The following SUCLG2 variants were observed in gnomAD, a reference collection of about 807,000 sequenced individuals.
SUCLG2 encodes succinate-CoA ligase GDP-forming subunit beta.
A neutral mutation model predicts 47.9 loss-of-function variants in SUCLG2; 42 were observed. The ratio of observed to expected loss-of-function variants is 0.88; its 90% CI spans 0.69 to 1.14. The LOEUF (loss-of-function observed/expected upper bound fraction) is 1.14. SUCLG2 is among the 50% of genes most tolerant of loss of function. SUCLG2 has a pLI of 0.00. For missense variants in SUCLG2, 571 were observed against 525.9 expected (o/e 1.09, Z -0.84); for synonymous variants, 195 against 197.3 (o/e 0.99, Z 0.10).
intron 9 of SUCLG2, among the ~76,000 whole-genome samples, chr3:67,476,627 C>T (rs60089485): frequency 0.023 from 3,536 of 152,270 alleles, 54 homozygotes; most frequent in African/African-American, 0.037. Flanking sequence ...CAACCCTGCA[C>T]CCTTGGACCC....
intron 6 of SUCLG2, among the ~76,000 whole-genome samples, chr3:67,511,286 A>T (rs1559552999): frequency 6.6e-6 from 1 of 152,188 alleles, no homozygotes; most frequent in Non-Finnish European, 1.5e-5. Flanking sequence ...AGCCATTTGT[A>T]TCTTTGTCAG....
chr3:67,413,722 CCAG>C (rs1702976555), intron 9 of SUCLG2, among the ~76,000 whole-genome samples: 2 of 152,190 alleles, frequency 1.3e-5, no homozygotes, highest in Non-Finnish European at 2.9e-5. Context: ...TGAGCAGCAT[CCAG>C]TAAAGACAGA....
intron 1 of SUCLG2, among the ~76,000 whole-genome samples, chr3:67,639,444 G>C (rs987395331): frequency 2.1e-5 from 3 of 143,272 alleles, no homozygotes; most frequent in African/African-American, 9.1e-5. Flanking sequence ...GAAGAGCCTT[G>C]CAGCAGATGC....
At chr3:67,428,340 G>A (rs927348721) in intron 9 of SUCLG2, among the ~76,000 whole-genome samples, 1 of 152,228 alleles carries the variant, frequency 6.6e-6, no homozygotes, top group African/African-American at 2.4e-5. Context: ...AGGGTCTGGA[G>A]TGGACCTCCA....
At chr3:67,404,474 A>G (rs1702758133) in intron 9 of SUCLG2, among the ~76,000 whole-genome samples, 1 of 152,136 alleles carries the variant, frequency 6.6e-6, no homozygotes, top group Non-Finnish European at 1.5e-5. Context: ...AAAGAGTATG[A>G]CAAATACTAA....
chr3:67,369,142 TTTC>T (rs1701917859), intron 10 of SUCLG2, among the ~76,000 whole-genome samples: 1 of 152,164 alleles, frequency 6.6e-6, no homozygotes, highest in African/African-American at 2.4e-5. Context: ...TTACCTCCCT[TTTC>T]TTCTTTTTCT....
chr3:67,592,895 G>A (rs1358472949), intron 2 of SUCLG2, among the ~76,000 whole-genome samples: 1 of 152,086 alleles, frequency 6.6e-6, no homozygotes, highest in Non-Finnish European at 1.5e-5. Context: ...GATGGGTTAG[G>A]CCTTGACAAA....
chr3:67,463,680 A>G (rs1484940564), intron 9 of SUCLG2, among the ~76,000 whole-genome samples: 1 of 152,170 alleles, frequency 6.6e-6, no homozygotes, highest in Non-Finnish European at 1.5e-5. Context: ...TACCCCACTT[A>G]TATTTAATTT....
At chr3:67,407,636 A>G (rs1186944118) in intron 9 of SUCLG2, among the ~76,000 whole-genome samples, 1 of 152,232 alleles carries the variant, frequency 6.6e-6, no homozygotes, top group East Asian at 1.9e-4. Context: ...ATATACGTGA[A>G]GCACAGTAAG....
chr3:67,451,092 G>A (rs1162558277), intron 9 of SUCLG2, among the ~76,000 whole-genome samples: 1 of 152,202 alleles, frequency 6.6e-6, no homozygotes, highest in East Asian at 1.9e-4. Flanking sequence ...AGTGATAGCA[G>A]TGTCTTATAA....
intron 9 of SUCLG2, among the ~76,000 whole-genome samples, chr3:67,487,060 G>T (rs1207503975): frequency 6.6e-6 from 1 of 152,068 alleles, no homozygotes; most frequent in Non-Finnish European, 1.5e-5. Flanking sequence ...AGATTACAGT[G>T]AAATTCCTCC....
intron 9 of SUCLG2, among the ~76,000 whole-genome samples, chr3:67,467,687 A>T (rs1575716161): frequency 6.6e-6 from 1 of 152,188 alleles, no homozygotes; most frequent in South Asian, 2.1e-4. Flanking sequence ...ATGGAAATGA[A>T]TAATAATTAA....
chr3:67,596,369 G>C (rs190529078), intron 2 of SUCLG2, among the ~76,000 whole-genome samples: 170 of 152,290 alleles, frequency 1.1e-3, no homozygotes, highest in African/African-American at 4.0e-3. Flanking sequence ...ATGAGAGCCA[G>C]GAGAAAGAAA....
At chr3:67,588,787 C>G (rs1236329933) in intron 2 of SUCLG2, among the ~76,000 whole-genome samples, 1 of 152,208 alleles carries the variant, frequency 6.6e-6, no homozygotes, top group East Asian at 1.9e-4. Flanking sequence ...TGGTGACATT[C>G]AACTACTCTA....
Position 67,501,337 on chromosome 3 carries a change from G to C in SUCLG2, c.758-3042C>G, listed in dbSNP as rs374916832. Among the ~76,000 whole-genome samples the C allele has an allele frequency of 2.0e-4, 31 of 152,280 alleles. No individual in the cohort carries two copies. In the East Asian group the frequency reaches 5.0e-3, roughly 25 times the overall value. On this transcript the variant is annotated intron_variant, in intron 7 of 10. Coordinates refer to ENST00000307227, the MANE Select transcript of SUCLG2 (RefSeq NM_003848.4). ...TTAAGGATGTAAAGGGATTCTTTCA[G>C]ACACATATTTGTTACGCCTGTTTTA...
At chr3:67,545,854 C>A (rs1423713989) in intron 2 of SUCLG2, among the ~76,000 whole-genome samples, 1 of 152,150 alleles carries the variant, frequency 6.6e-6, no homozygotes, top group East Asian at 1.9e-4. Context: ...GTTCCAGCAG[C>A]CAGAGAGATC....
At chr3:67,627,771 G>A (rs1216160555) in intron 1 of SUCLG2, among the ~76,000 whole-genome samples, 3 of 152,150 alleles carry the variant, frequency 2.0e-5, no homozygotes, top group Non-Finnish European at 4.4e-5. Flanking sequence ...AGACTAGCTG[G>A]TTCCAGTTTA....
chr3:67,507,341 G>A (rs1010359396), intron 7 of SUCLG2, among the ~76,000 whole-genome samples: 8 of 152,042 alleles, frequency 5.3e-5, no homozygotes, highest in East Asian at 1.9e-4. Flanking sequence ...GCTTGTTCTC[G>A]TCTGAAATCT....
chr3:67,500,193 C>A (rs772417189), intron 7 of SUCLG2, among the ~76,000 whole-genome samples: 33 of 152,198 alleles, frequency 2.2e-4, no homozygotes, highest in Non-Finnish European at 4.4e-4. Context: ...TGGCTATAAT[C>A]TCCTAATTAT....
Sources: gnomAD v4.1 joint callset for allele counts (sites outside exome capture counted in the v4.1 genomes callset) on GRCh38, gnomAD v4.1.1 for gene constraint, MANE v1.5 for transcripts, NCBI Gene and HGNC (gene_info 2026-07-23, HGNC 2026-07-21) for gene names.